The following EYS variants were observed in gnomAD, a reference collection of about 807,000 sequenced individuals.
EYS encodes protein eyes shut homolog.
EYS carries 250 observed loss-of-function variants against 282.1 expected under a neutral mutation model. The ratio of observed to expected loss-of-function variants is 0.89; its 90% CI spans 0.80 to 0.98. The LOEUF (loss-of-function observed/expected upper bound fraction) is 0.98, where lower values mean the gene tolerates loss of function less well. Ranked by LOEUF, EYS falls within the 50% of genes least tolerant of loss-of-function variation. The probability of loss-of-function intolerance (pLI) is 0.00; values close to 1 mark genes in which losing one functional copy is unlikely to be tolerated. For synonymous variants in EYS, 1,355 were observed against 1,282.9 expected (o/e 1.06, Z -1.20); for missense variants, 4,016 against 3,709.0 (o/e 1.08, Z -2.15).
intron 31 of EYS, among the ~76,000 whole-genome samples, chr6:64,198,947 T>C (rs1471388719): frequency 1.3e-5 from 2 of 152,280 alleles, no homozygotes; most frequent in Admixed American, 6.5e-5. Context: ...CCACCAACAG[T>C]GTAAAAGCGT....
At chr6:63,882,868 C>T (rs1199079740) in intron 35 of EYS, among the ~76,000 whole-genome samples, 1 of 152,058 alleles carries the variant, frequency 6.6e-6, no homozygotes, top group African/African-American at 2.4e-5. Context: ...TGACATAGTT[C>T]AGGACTGGAA....
At chr6:65,331,820 C>T (rs1011008653) in intron 11 of EYS, 13 of 640,314 alleles carry the variant, frequency 2.0e-5, no homozygotes, top group Non-Finnish European at 2.3e-5. Flanking sequence ...CGTATTGAAG[C>T]ACATATCAGT....
At chr6:64,349,282 A>G (rs1353706349) in intron 29 of EYS, among the ~76,000 whole-genome samples, 1 of 151,242 alleles carries the variant, frequency 6.6e-6, no homozygotes, top group Non-Finnish European at 1.5e-5. Context: ...AAATTAATTT[A>G]TATGTAATAC....
At chr6:64,067,853 GTAA>G (rs1300218156) in intron 32 of EYS, among the ~76,000 whole-genome samples, 2 of 152,160 alleles carry the variant, frequency 1.3e-5, no homozygotes, top group Non-Finnish European at 2.9e-5. Context: ...TCATTGTTTT[GTAA>G]TAATCCATTA....
At chr6:64,766,449 T>G (rs1256782167) in intron 22 of EYS, among the ~76,000 whole-genome samples, 2 of 148,340 alleles carry the variant, frequency 1.3e-5, no homozygotes, top group African/African-American at 4.9e-5. Flanking sequence ...CTGACCAATA[T>G]GGTGAAACTC....
chr6:64,484,043 A>T (rs1176532947), intron 26 of EYS, among the ~76,000 whole-genome samples: 1 of 151,644 alleles, frequency 6.6e-6, no homozygotes, highest in Non-Finnish European at 1.5e-5. Context: ...AAATTGAGCA[A>T]TTAGATGTTC....
chr6:64,170,357 T>G (rs115492436), intron 31 of EYS, among the ~76,000 whole-genome samples: 3,504 of 152,230 alleles, frequency 0.023, 126 homozygotes, highest in African/African-American at 0.08. Flanking sequence ...GGTAACAAAT[T>G]ACCACAACGT....
In EYS at chr6:64,456,201, G is replaced by A. The variant is rs563639831; in HGVS notation, c.5645-16849C>T. Among the ~76,000 whole-genome samples the A allele has an allele frequency of 5.1e-4, 78 of 152,062 alleles. 1 individual carries two copies. The highest frequency in any genetic ancestry group is 5.3e-4 in the Non-Finnish European group (36 of 67,936). On this transcript the variant is annotated intron_variant, in intron 26 of 42. Coordinates refer to ENST00000503581, the MANE Select transcript of EYS (RefSeq NM_001142800.2). Reference sequence around the variant, plus strand: ...ATTCCATGTCAAACAACAAAATTGTGGATTTCACACATCCTAAACTAACTA... The same window carrying A: ...ATTCCATGTCAAACAACAAAATTGTAGATTTCACACATCCTAAACTAACTA...
At chr6:63,970,828 G>T (rs951595071) in intron 35 of EYS, among the ~76,000 whole-genome samples, 1 of 152,134 alleles carries the variant, frequency 6.6e-6, no homozygotes, top group East Asian at 1.9e-4. Flanking sequence ...TGAGAGGAAG[G>T]AAACTGGAAG....
chr6:65,290,415 T>A (rs1445701412), intron 12 of EYS, among the ~76,000 whole-genome samples: 10 of 151,226 alleles, frequency 6.6e-5, no homozygotes, highest in Non-Finnish European at 1.2e-4. Context: ...TTTTTTCTCA[T>A]GTTTTATTAG....
At chr6:63,802,153 T>G (rs1770796505) in intron 37 of EYS, among the ~76,000 whole-genome samples, 1 of 152,248 alleles carries the variant, frequency 6.6e-6, no homozygotes, top group South Asian at 2.1e-4. Flanking sequence ...CTTCTTTAAT[T>G]CATAGCTTTA....
At chr6:63,833,516 C>T (rs1019900749) in intron 36 of EYS, among the ~76,000 whole-genome samples, 1 of 152,084 alleles carries the variant, frequency 6.6e-6, no homozygotes, top group Middle Eastern at 3.2e-3. Context: ...TGTGAAGGAC[C>T]TCTTCAAGGA....
chr6:65,576,257 T>A (rs1444550904), intron 2 of EYS, among the ~76,000 whole-genome samples: 2 of 152,132 alleles, frequency 1.3e-5, no homozygotes, highest in Middle Eastern at 3.4e-3. Flanking sequence ...TATCCTTGGA[T>A]GCAAGGATAA....
chr6:64,559,353 G>A (rs1195612343), intron 26 of EYS, among the ~76,000 whole-genome samples: 1 of 150,288 alleles, frequency 6.7e-6, no homozygotes, highest in Non-Finnish European at 1.5e-5. Context: ...GAGTGCAGTG[G>A]AAGGATCATA....
At chr6:64,194,118 G>A (rs571090291) in intron 31 of EYS, among the ~76,000 whole-genome samples, 9 of 152,020 alleles carry the variant, frequency 5.9e-5, no homozygotes, top group South Asian at 2.1e-4. Flanking sequence ...ATGATCTGCC[G>A]CCTCAGCCTC....
At chr6:63,838,012 A>G (rs1771852415) in intron 36 of EYS, among the ~76,000 whole-genome samples, 3 of 152,116 alleles carry the variant, frequency 2.0e-5, no homozygotes, top group Admixed American at 6.6e-5. Context: ...AAGAGTTTTA[A>G]TTAATTTTGT....
At chr6:64,869,351 T>C in intron 19 of EYS, among the ~76,000 whole-genome samples, 1 of 151,610 alleles carries the variant, frequency 6.6e-6, no homozygotes, top group Non-Finnish European at 1.5e-5. Flanking sequence ...ATCTCTTTTA[T>C]ATCTGGACCA....
chr6:65,057,466 AT>A, intron 13 of EYS, 147 bp downstream of exon 13: 1 of 663,424 alleles, frequency 1.5e-6, no homozygotes, highest in East Asian at 2.7e-5. Flanking sequence ...TGCCTAAGGA[AT>A]AATTGGTTGG....
At chr6:65,473,549 T>A (rs1239900647) in intron 5 of EYS, among the ~76,000 whole-genome samples, 6 of 151,872 alleles carry the variant, frequency 4.0e-5, no homozygotes, top group Non-Finnish European at 8.8e-5. Flanking sequence ...AGAACAAAAA[T>A]TTATGCAAGA....
Sources: allele counts gnomAD v4.1 joint callset (sites outside exome capture counted in the v4.1 genomes callset), GRCh38; gene constraint gnomAD v4.1.1; transcripts MANE v1.5; gene names NCBI Gene and HGNC (gene_info 2026-07-23, HGNC 2026-07-21).